The following DLGAP2 variants were observed in gnomAD, a reference collection of about 807,000 sequenced individuals.
DLGAP2 encodes disks large-associated protein 2.
In DLGAP2, 26 loss-of-function variants were observed where a neutral mutation model predicts 100.3. The ratio of observed to expected loss-of-function variants is 0.26; its 90% CI spans 0.19 to 0.36. DLGAP2 has a LOEUF of 0.36. Ranked by LOEUF, DLGAP2 falls within the 10% of genes least tolerant of loss-of-function variation. DLGAP2 has a pLI of 1.00. For missense variants in DLGAP2, 1,858 were observed against 1,453.2 expected (o/e 1.28, Z -4.53); for synonymous variants, 886 against 630.1 (o/e 1.41, Z -6.08).
intron 3 of DLGAP2, among the ~76,000 whole-genome samples, chr8:1,365,158 T>G (rs187898004): frequency 6.6e-6 from 1 of 152,286 alleles, no homozygotes; most frequent in Non-Finnish European, 1.5e-5. Flanking sequence ...CATCTGTGGT[T>G]CGGGGCATTT....
chr8:1,228,938 A>G (rs1468043713), intron 2 of DLGAP2, among the ~76,000 whole-genome samples: 2 of 152,216 alleles, frequency 1.3e-5, no homozygotes, highest in East Asian at 1.9e-4. Context: ...GGAAAAGCAG[A>G]TGAGAAAAAA....
intron 2 of DLGAP2, among the ~76,000 whole-genome samples, chr8:1,031,165 G>T (rs898890425): frequency 6.6e-6 from 1 of 152,034 alleles, no homozygotes; most frequent in Non-Finnish European, 1.5e-5. Context: ...TCATGATGCC[G>T]CCTGTGCCTC....
At chr8:1,530,681 T>G (rs559557896) in intron 4 of DLGAP2, among the ~76,000 whole-genome samples, 1 of 152,336 alleles carries the variant, frequency 6.6e-6, no homozygotes, top group South Asian at 2.1e-4. Context: ...TACAAAAGTA[T>G]TAATTTGGGG....
intron 13 of DLGAP2, among the ~76,000 whole-genome samples, chr8:1,695,531 C>T (rs547888080): frequency 6.8e-5 from 10 of 147,906 alleles, no homozygotes; most frequent in African/African-American, 1.5e-4. Context: ...CAGCCATGCC[C>T]GGCCCTACAG....
chr8:738,028 G>A (rs1042137416), intron 1 of DLGAP2: 3 of 304,886 alleles, frequency 9.8e-6, no homozygotes, highest in South Asian at 1.6e-4. Context: ...CGCGCGTTGC[G>A]CTCCTCGCCG....
intron 1 of DLGAP2, among the ~76,000 whole-genome samples, chr8:828,468 G>A (rs1796722774): frequency 6.6e-6 from 1 of 152,192 alleles, no homozygotes; most frequent in Non-Finnish European, 1.5e-5. Flanking sequence ...CAGCTCACCG[G>A]TGGTCAGAGT....
intron 3 of DLGAP2, among the ~76,000 whole-genome samples, chr8:1,442,066 A>G (rs114394342): frequency 0.014 from 2,109 of 152,306 alleles, 51 homozygotes; most frequent in African/African-American, 0.047. Flanking sequence ...GCACCTTACT[A>G]AACTCAGGAG....
chr8:1,195,463 G>A (rs745507954), intron 2 of DLGAP2, among the ~76,000 whole-genome samples: 1 of 152,230 alleles, frequency 6.6e-6, no homozygotes, highest in South Asian at 2.1e-4. Flanking sequence ...AACCAGGACA[G>A]AAAACTGTTT....
chr8:1,459,392 C>T lies in DLGAP2; in HGVS notation c.107-41974C>T, dbSNP rs535216843. Among the ~76,000 whole-genome samples, 36 of 152,316 alleles carry T rather than the reference C, an allele frequency of 2.4e-4. No homozygotes were observed. In the South Asian group the frequency reaches 6.0e-3, roughly 25 times the overall value. On this transcript the variant is annotated intron_variant, in intron 3 of 14. Coordinates refer to ENST00000637795, the MANE Select transcript of DLGAP2 (RefSeq NM_001346810.2). ...CTGCTGAGCATGTTAATATTTTAAG[C>T]GCCACGTTCAGAGATTGTCACTTGT... is the stretch of plus-strand genomic sequence containing the variant.
chr8:1,491,524 A>T (rs982081309), intron 3 of DLGAP2, among the ~76,000 whole-genome samples: 4 of 152,246 alleles, frequency 2.6e-5, no homozygotes, highest in Non-Finnish European at 4.4e-5. Context: ...CTCTGTCTTT[A>T]AAGTAGTGTT....
chr8:1,588,205 C>G (rs566095247), intron 6 of DLGAP2, among the ~76,000 whole-genome samples: 1 of 152,266 alleles, frequency 6.6e-6, no homozygotes, highest in Non-Finnish European at 1.5e-5. Context: ...GTATTTTTAG[C>G]TGAAAAAATT....
At chr8:838,330 AC>A (rs1384957597) in intron 1 of DLGAP2, among the ~76,000 whole-genome samples, 2 of 151,966 alleles carry the variant, frequency 1.3e-5, no homozygotes, top group African/African-American at 2.4e-5. Flanking sequence ...GAAATCAGCT[AC>A]TCCATTCACA....
Position 1,110,117 on chromosome 8 carries a change from AGGTGTG to A in DLGAP2, c.74-148733_74-148728del, listed in dbSNP as rs1429465991. On this transcript the variant is annotated intron_variant, in intron 2 of 14. Transcript: ENST00000637795. ...TCTGTGAGGTGTGCATGGGTCTGTG[AGGTGTG>A]CACGTGCCTGTGATGTGTACTGTAT... Among the ~76,000 whole-genome samples the A allele has an allele frequency of 4.8e-4, 64 of 133,748 alleles. 1 individual carries two copies. Among genetic ancestry groups the A allele is most frequent in the African/African-American group, 1.8e-3 (61 of 34,296 alleles). The allele number at this position is 133,748 out of a possible 152,430, so 87.7% of individuals were successfully genotyped here.
chr8:1,214,715 G>C (rs191198622), intron 2 of DLGAP2, among the ~76,000 whole-genome samples: 1 of 152,186 alleles, frequency 6.6e-6, no homozygotes, highest in African/African-American at 2.4e-5. Context: ...CTAGTTCTTC[G>C]CACAGACACA....
intron 2 of DLGAP2, among the ~76,000 whole-genome samples, chr8:1,196,964 A>C (rs947376584): frequency 6.6e-6 from 1 of 152,198 alleles, no homozygotes; most frequent in Non-Finnish European, 1.5e-5. Context: ...CTGGAGACCC[A>C]GGGAAGCCAG....
chr8:1,553,295 C>CG (rs1469975990), intron 5 of DLGAP2, among the ~76,000 whole-genome samples: 3 of 152,218 alleles, frequency 2.0e-5, no homozygotes, highest in Non-Finnish European at 4.4e-5. Context: ...CACCTGGCGT[C>CG]GCCCGGCCGC....
At chr8:1,165,161 G>A (rs982854536) in intron 2 of DLGAP2, among the ~76,000 whole-genome samples, 5 of 139,598 alleles carry the variant, frequency 3.6e-5, no homozygotes, top group Non-Finnish European at 1.6e-5. Context: ...GGAGAGGAAA[G>A]GAGACAGAGA....
intron 1 of DLGAP2, among the ~76,000 whole-genome samples, chr8:766,794 T>C (rs1256237909): frequency 6.6e-6 from 1 of 152,200 alleles, no homozygotes; most frequent in Non-Finnish European, 1.5e-5. Context: ...GCAGTCCAGA[T>C]GGACACTGTG....
At chr8:1,339,651 G>A (rs1245910418) in intron 3 of DLGAP2, among the ~76,000 whole-genome samples, 1 of 152,196 alleles carries the variant, frequency 6.6e-6, no homozygotes, top group African/African-American at 2.4e-5. Flanking sequence ...GTAATCCTGT[G>A]CATTCTTTTG....
Sources: allele counts gnomAD v4.1 joint callset (sites outside exome capture counted in the v4.1 genomes callset), GRCh38; gene constraint gnomAD v4.1.1; transcripts MANE v1.5; gene names NCBI Gene and HGNC (gene_info 2026-07-23, HGNC 2026-07-21).